Variants in ADAMTSL1 observed in about 807,000 individuals in gnomAD.
The protein encoded by ADAMTSL1 is ADAMTS like 1.
In ADAMTSL1, 126 loss-of-function variants were observed where a neutral mutation model predicts 201.8. That is an observed-to-expected ratio of 0.62 (90% CI 0.54 to 0.72). The LOEUF is 0.72. Ranked by LOEUF, ADAMTSL1 falls within the 30% of genes least tolerant of loss-of-function variation. The probability of loss-of-function intolerance (pLI) is 0.00; values close to 1 mark genes in which losing one functional copy is unlikely to be tolerated. For synonymous variants in ADAMTSL1, 1,121 were observed against 903.4 expected, an observed-to-expected ratio of 1.24 and a Z score of -4.32; for missense variants, 2,679 against 2,277.8, an observed-to-expected ratio of 1.18 and a Z score of -3.59.
intron 1 of ADAMTSL1, among the ~76,000 whole-genome samples, chr9:18,034,982 T>C (rs1821128739): frequency 6.6e-6 from 1 of 152,228 alleles, no homozygotes; most frequent in Admixed American, 6.5e-5. Flanking sequence ...TATCCTGTGT[T>C]CTAGTTCCTT....
chr9:18,087,317 G>A (rs1404045249), intron 1 of ADAMTSL1, among the ~76,000 whole-genome samples: 1 of 152,000 alleles, frequency 6.6e-6, no homozygotes, highest in East Asian at 1.9e-4. Flanking sequence ...TTTTATGGAG[G>A]AAAACAAACT....
rs1830324783 is a variant in ADAMTSL1, at chr9:18,223,131, CT to C, written c.207+59152del. Among the ~76,000 whole-genome samples, 3 of 152,156 alleles carry C rather than the reference CT, an allele frequency of 2.0e-5. No individual in the cohort carries two copies. In the South Asian group the frequency reaches 6.2e-4, roughly 32 times the overall value. On this transcript the variant is annotated intron_variant, in intron 2 of 29. Coordinates refer to the ADAMTSL1 transcript ENST00000680146. Reference sequence around the variant, plus strand: ...TTTCCAGCCAATATCTCAAAATCTGCTTCTTCTTCATTATCAGTATTACATG... The same window carrying C: ...TTTCCAGCCAATATCTCAAAATCTGCTCTTCTTCATTATCAGTATTACATG...
At chr9:18,192,352 T>A (rs928552794) in intron 2 of ADAMTSL1, among the ~76,000 whole-genome samples, 1 of 152,134 alleles carries the variant, frequency 6.6e-6, no homozygotes, top group Non-Finnish European at 1.5e-5. Flanking sequence ...TATATTTCAG[T>A]TTCTTCAAAT....
chr9:18,674,734 A>G (rs1171046500), intron 9 of ADAMTSL1, among the ~76,000 whole-genome samples: 1 of 152,188 alleles, frequency 6.6e-6, no homozygotes, highest in Non-Finnish European at 1.5e-5. Context: ...AGGCACAGAT[A>G]GAATACATGA....
chr9:18,022,875 G>C (rs1282364399), intron 1 of ADAMTSL1, among the ~76,000 whole-genome samples: 1 of 152,014 alleles, frequency 6.6e-6, no homozygotes, highest in Non-Finnish European at 1.5e-5. Flanking sequence ...TGCATGATTT[G>C]GTCCCTATCA....
At chr9:17,976,774 T>G (rs1818468733) in intron 1 of ADAMTSL1, among the ~76,000 whole-genome samples, 1 of 140,046 alleles carries the variant, frequency 7.1e-6, no homozygotes, top group Non-Finnish European at 1.6e-5. Flanking sequence ...ATCAATCATC[T>G]ACAAACAGAT....
chr9:18,070,998 C>G (rs1190925463), intron 1 of ADAMTSL1, among the ~76,000 whole-genome samples: 1 of 152,076 alleles, frequency 6.6e-6, no homozygotes, highest in Non-Finnish European at 1.5e-5. Context: ...CAGGGCTAGA[C>G]AGGACTAGAA....
chr9:18,344,065 T>G (rs999388893), intron 2 of ADAMTSL1, among the ~76,000 whole-genome samples: 1 of 152,098 alleles, frequency 6.6e-6, no homozygotes, highest in East Asian at 1.9e-4. Flanking sequence ...AAAAAACCAT[T>G]AGATAACAGT....
intron 1 of ADAMTSL1, among the ~76,000 whole-genome samples, chr9:18,479,709 T>C (rs1054844305): frequency 6.6e-6 from 1 of 152,222 alleles, no homozygotes; most frequent in Non-Finnish European, 1.5e-5. Context: ...AAGGTGTGAC[T>C]TGTTCCTCCT....
intron 2 of ADAMTSL1, among the ~76,000 whole-genome samples, chr9:18,430,983 G>A (rs113245843): frequency 0.019 from 2,821 of 152,224 alleles, 91 homozygotes; most frequent in African/African-American, 0.065. Flanking sequence ...CTACAGAGAT[G>A]GTAGGGAAAT....
chr9:18,086,024 G>A (rs754291859), intron 1 of ADAMTSL1, among the ~76,000 whole-genome samples: 17 of 152,098 alleles, frequency 1.1e-4, no homozygotes, highest in Non-Finnish European at 1.9e-4. Context: ...TGTAAGAGTC[G>A]AGGAAGACTG....
At chr9:18,403,822 A>T (rs1818077719) in intron 2 of ADAMTSL1, among the ~76,000 whole-genome samples, 1 of 152,142 alleles carries the variant, frequency 6.6e-6, no homozygotes, top group African/African-American at 2.4e-5. Flanking sequence ...AATAACATTT[A>T]TTATGTTACC....
chr9:18,272,764 C>A (rs1445351544), intron 2 of ADAMTSL1, among the ~76,000 whole-genome samples: 1 of 152,142 alleles, frequency 6.6e-6, no homozygotes. Flanking sequence ...TTCAGCAGAC[C>A]TGGCCCTCTC....
chr9:18,639,449 C>A (rs781746854), intron 7 of ADAMTSL1, 38 bp downstream of exon 7: 1 of 1,593,412 alleles, frequency 6.3e-7, no homozygotes, highest in Non-Finnish European at 8.6e-7. Context: ...CAAGCCACAT[C>A]CCAAATGATG....
intron 2 of ADAMTSL1, among the ~76,000 whole-genome samples, chr9:18,463,585 T>C (rs79465353): frequency 0.018 from 2,715 of 152,248 alleles, 58 homozygotes; most frequent in South Asian, 0.074. Context: ...ACCATTCTAC[T>C]CCCTGTCTCT....
At chr9:18,455,296 C>G (rs943981163) in intron 2 of ADAMTSL1, among the ~76,000 whole-genome samples, 39 of 152,144 alleles carry the variant, frequency 2.6e-4, no homozygotes, top group African/African-American at 8.9e-4. Context: ...CGATTGTATA[C>G]AGGTACAAAT....
chr9:18,558,478 A>G (rs186759646), intron 3 of ADAMTSL1, among the ~76,000 whole-genome samples: 1 of 152,182 alleles, frequency 6.6e-6, no homozygotes, highest in Non-Finnish European at 1.5e-5. Flanking sequence ...ATATGTGTGC[A>G]TGTGTCTTTA....
intron 2 of ADAMTSL1, among the ~76,000 whole-genome samples, chr9:18,299,606 G>A (rs530027709): frequency 6.6e-6 from 1 of 152,118 alleles, no homozygotes. Flanking sequence ...ATAATGGGAC[G>A]TGCTCACCAG....
intron 2 of ADAMTSL1, among the ~76,000 whole-genome samples, chr9:18,384,130 A>T (rs908659600): frequency 2.6e-5 from 4 of 152,086 alleles, no homozygotes; most frequent in Non-Finnish European, 5.9e-5. Flanking sequence ...AGAAGAAAAG[A>T]TGTTTAATTG....
Sources: allele counts gnomAD v4.1 joint callset (sites outside exome capture counted in the v4.1 genomes callset), GRCh38; gene constraint gnomAD v4.1.1; transcripts MANE v1.5; gene names NCBI Gene and HGNC (gene_info 2026-07-23, HGNC 2026-07-21).